The following TMC6 variants were observed in gnomAD, a reference collection of about 807,000 sequenced individuals.
TMC6 encodes the protein transmembrane channel like 6, also known as transmembrane channel-like protein 6.
In TMC6, 71 loss-of-function variants were observed where a neutral mutation model predicts 95.4. The observed-to-expected ratio is 0.74, with a 90% confidence interval of 0.61 to 0.91. The LOEUF (loss-of-function observed/expected upper bound fraction) is 0.91. TMC6 is among the 40% of genes least tolerant of loss of function. The pLI, the probability that TMC6 is intolerant of heterozygous loss-of-function variation, is 0.00. For missense variants in TMC6, 1,074 were observed against 1,079.1 expected (o/e 1.00, Z 0.07); for synonymous variants, 514 against 483.1 (o/e 1.06, Z -0.84).
At position 78,121,421 on chromosome 17, in the gene TMC6, CG is replaced by C. The variant is rs2074407816; in HGVS notation, c.1383+134del. 1 of 1,476,390 alleles carries C rather than the reference CG, an allele frequency of 6.8e-7. No individual in the cohort carries two copies. Among genetic ancestry groups the C allele is most frequent in the African/African-American group, 1.4e-5 (1 of 71,806 alleles). The allele number at this position is 1,476,390 out of a possible 1,614,324, so 91.5% of individuals were successfully genotyped here. A position where few individuals can be genotyped will look rare whatever the true frequency, so the allele number is the denominator to read the frequency against. ...GTGGGGCTCGGAGGGGGCCCCAGCA[CG>C]GGGCACAGCGTACGTGGCACCCTGG... On this transcript the variant is annotated intron_variant, in intron 11 of 19. Transcript: ENST00000590602. This position sits in a 1 kb window ranked among gnomAD's most constrained non-coding sequence, Gnocchi z 5.6.
chr17:78,109,457 C>T lies in TMC6; in HGVS notation c.*3691G>A, dbSNP rs2144778104. ...TGATGGGCTCCTGGTGCAGGACTGG[C>T]CCCTGAACAGCACAAGTGTAGTATG... On this transcript the variant is annotated 3_prime_UTR_variant, in exon 20 of 20. Coordinates refer to ENST00000590602, the MANE Select transcript of TMC6 (RefSeq NM_001127198.5). 2.2e-6 allele frequency: 1 copy of T among 456,660 alleles called. No individual in the cohort carries two copies. Among genetic ancestry groups the T allele is most frequent in the East Asian group, 6.9e-5 (1 of 14,396 alleles). The allele number at this position is 456,660 out of a possible 1,614,324, so 28.3% of individuals were successfully genotyped here. A position where few individuals can be genotyped will look rare whatever the true frequency, so the allele number is the denominator to read the frequency against.
chr17:78,125,721 C>G lies in TMC6; in HGVS notation c.430+5G>C, dbSNP rs2074675709. 1 of 1,563,160 alleles carries G rather than the reference C, an allele frequency of 6.4e-7. No individual in the cohort carries two copies. The highest frequency in any genetic ancestry group is 1.9e-5 in the Admixed American group (1 of 53,332). On this transcript the variant is annotated splice_donor_5th_base_variant and intron_variant, in intron 5 of 19. Transcript: ENST00000590602. The stretch of plus-strand genomic sequence containing the variant: ...CCACTGGGGCTCCAGTGCCCACTCA[C>G]TCACCCTCCTCCTCCAGGGCCGTGG...
rs2073781131 is a variant in TMC6 at position 78,109,483 on chromosome 17, C to T, written c.*3665G>A. The T allele has an allele frequency of 2.2e-6, 1 of 456,556 alleles. No homozygotes were observed. Among genetic ancestry groups the T allele is most frequent in the South Asian group, 1.5e-5 (1 of 64,556 alleles). 28.3% of individuals were successfully genotyped at this position (456,556 alleles called of 1,614,324 possible). A position where few individuals can be genotyped will look rare whatever the true frequency, so the allele number is the denominator to read the frequency against. ...CCCTGAACAGCACAAGTGTAGTATG[C>T]CTGGGCCCCAGGTCATCATGAAAAC... On this transcript the variant is annotated 3_prime_UTR_variant, in exon 20 of 20. Transcript: ENST00000590602.
In TMC6 at chr17:78,121,834, GC is replaced by G. The variant is rs1188428600; in HGVS notation, c.1228-124del. 2 of 1,298,648 alleles carry G rather than the reference GC, an allele frequency of 1.5e-6. No individual in the cohort carries two copies. Among genetic ancestry groups the G allele is most frequent in the African/African-American group, 1.5e-5 (1 of 67,432 alleles). 80.4% of individuals were successfully genotyped at this position (1,298,648 alleles called of 1,614,324 possible). ...CAGGAGGCTTGAACCAGGACAGAGG[GC>G]CAGTTCCCCATGCCCCACCTGCCCT... On this transcript the variant is annotated intron_variant, in intron 10 of 19. Transcript: ENST00000590602. The surrounding 1 kb of genome is among the most constrained non-coding windows in gnomAD (Gnocchi z 5.6).
chr17:78,132,333 T>C (rs2075030542), upstream of TMC6: 1 of 1,610,008 alleles, frequency 6.2e-7, no homozygotes, highest in East Asian at 2.2e-5. Context: ...CCGGCCTCCC[T>C]GACCCACCCT....
rs1326018151 is a variant in TMC6 at position 78,119,042 on chromosome 17, C to G, written c.1816G>C (p.Gly606Arg). 1.9e-6 allele frequency: 3 copies of G among 1,588,982 alleles called. No individual in the cohort carries two copies. The highest frequency in any genetic ancestry group is 2.7e-5 in the African/African-American group (2 of 74,432). The change falls in exon 15 of 20, where the codon GGG becomes CGG. Residue 606 changes from glycine to arginine, a missense_variant. By Grantham distance (125) the Gly-to-Arg change is moderately radical. Coordinates refer to ENST00000590602, the MANE Select transcript of TMC6 (RefSeq NM_001127198.5). ...GGGAGGAGGGGCGAGAAGAGCACCC[C>G]CAGCCTGGGGAGGGGGTGGCAGTTC... ...LIYGQTLTWLGVLFSPLLPAV... is the reference protein window; with the variant it reads ...LIYGQTLTWLRVLFSPLLPAV...
intron 18 of TMC6, among the ~76,000 whole-genome samples, chr17:78,116,177 A>G (rs894480153): frequency 7.3e-5 from 11 of 151,384 alleles, no homozygotes; most frequent in Non-Finnish European, 1.0e-4. Context: ...GGGTTTTGCC[A>G]TGATGGTCAG....
At chr17:78,119,256 C>A (rs771974106) in intron 14 of TMC6, 41 bp downstream of exon 14, 1 of 1,611,382 alleles carries the variant, frequency 6.2e-7, no homozygotes, top group East Asian at 2.2e-5. Context: ...GGGGCACTGA[C>A]CGAGGGGCCA....
In TMC6 at chr17:78,121,266, C is replaced by T. The variant is rs2074400828; in HGVS notation, c.1384-102G>A. The T allele has an allele frequency of 9.9e-6, 15 of 1,514,120 alleles. No homozygotes were observed. Among genetic ancestry groups the T allele is most frequent in the Non-Finnish European group, 1.2e-5 (14 of 1,127,396 alleles). 93.8% of individuals were successfully genotyped at this position (1,514,120 alleles called of 1,614,324 possible). On this transcript the variant is annotated intron_variant, in intron 11 of 19. Coordinates refer to ENST00000590602, the MANE Select transcript of TMC6 (RefSeq NM_001127198.5). The surrounding 1 kb of genome is among the most constrained non-coding windows in gnomAD (Gnocchi z 5.6). ...GGGTGGAACTGGCAGGTAGCACCTC[C>T]CTCCTCCAAGATCTGGCCCTCCCCA... is the stretch of plus-strand genomic sequence containing the variant.
At position 78,114,928 on chromosome 17, in the gene TMC6, G is replaced by A. The variant is rs141854270; in HGVS notation, c.2278-1304C>T. Among the ~76,000 whole-genome samples the A allele has an allele frequency of 3.0e-4, 45 of 149,580 alleles. No homozygotes were observed. In the East Asian group the frequency reaches 7.7e-3, roughly 26 times the overall value. On this transcript the variant is annotated intron_variant, in intron 18 of 19. Transcript: ENST00000590602. ...CCCAGAGCAACGGTGGGTAGAGCTGGGATTCTCCCAGCACCACTCTGCATT... is the reference window on the plus strand; with the variant it reads ...CCCAGAGCAACGGTGGGTAGAGCTGAGATTCTCCCAGCACCACTCTGCATT...
chr17:78,123,459 G>A (rs992128054), intron 9 of TMC6, among the ~76,000 whole-genome samples: 24 of 150,496 alleles, frequency 1.6e-4, no homozygotes, highest in African/African-American at 5.4e-4. Flanking sequence ...GGATGGATGC[G>A]TGGATGAATG....
chr17:78,120,937 G>A (rs755678139), intron 12 of TMC6, 76 bp downstream of exon 12: 6 of 1,612,232 alleles, frequency 3.7e-6, no homozygotes, highest in African/African-American at 2.7e-5. Flanking sequence ...ATCCTAAGTA[G>A]GTTTGGATAC....
rs747525122 is a variant in TMC6, at chr17:78,121,545, C to CCT, written c.1383+10_1383+11insAG. 1 of 1,610,996 alleles carries CCT rather than the reference C, an allele frequency of 6.2e-7. No homozygotes were observed. Among genetic ancestry groups the CCT allele is most frequent in the African/African-American group, 1.3e-5 (1 of 74,916 alleles). On this transcript the variant is annotated intron_variant, in intron 11 of 19. Transcript: ENST00000590602. The surrounding 1 kb of genome is among the most constrained non-coding windows in gnomAD (Gnocchi z 5.6). ...TTCCAAGCAAGGGCCAGGCTCCCCCCATCCCCGCACCTGGATCATGAACTC... is the reference window on the plus strand; with the variant it reads ...TTCCAAGCAAGGGCCAGGCTCCCCCCCTATCCCCGCACCTGGATCATGAACTC...
chr17:78,117,642 AC>A lies in TMC6; in HGVS notation c.2023del (p.Val675Ter). ...AVFLCYAVWQ[V>X]KPSSTCGPFR... ...GGGGCCGCAGGTGCTCGAGGGCTTC[AC>A]CCTGGGGAAGATGCCGACCAGGAAC... On this transcript the variant is annotated frameshift_variant and splice_region_variant, in exon 17 of 20. Transcript: ENST00000590602. LOFTEE classifies it high-confidence loss of function. 1.9e-6 allele frequency: 3 copies of A among 1,567,328 alleles called. No individual in the cohort carries two copies. Among genetic ancestry groups the A allele is most frequent in the Non-Finnish European group, 2.6e-6 (3 of 1,156,884 alleles).
Position 78,109,287 on chromosome 17 carries a change from G to A in TMC6, c.*3861C>T. 2.7e-6 allele frequency: 1 copy of A among 364,652 alleles called. No individual in the cohort carries two copies. Among genetic ancestry groups the A allele is most frequent in the East Asian group, 7.4e-5 (1 of 13,482 alleles). 22.6% of individuals were successfully genotyped at this position (364,652 alleles called of 1,614,324 possible). On this transcript the variant is annotated 3_prime_UTR_variant, in exon 20 of 20. Coordinates refer to ENST00000590602, the MANE Select transcript of TMC6 (RefSeq NM_001127198.5). ...CCCCGACTGAGTGTTCAGTGAAGAG[G>A]GAAAACAGAGACAGTGGGGCATCCC...
At chr17:78,120,100 C>A in intron 13 of TMC6, 1 of 334,022 alleles carries the variant, frequency 3.0e-6, no homozygotes, top group South Asian at 2.5e-5. Context: ...CTGTTCCCTG[C>A]TGTGTGTTTT....
chr17:78,125,341 C>CT, intron 5 of TMC6, 78 bp from the exon 6 acceptor site: 1 of 1,292,738 alleles, frequency 7.7e-7, no homozygotes, highest in South Asian at 1.3e-5. Flanking sequence ...CTGGTCAGGC[C>CT]TGTGTGTCCC....
In TMC6 at chr17:78,117,861, C is replaced by T. The variant is rs140188188; in HGVS notation, c.1962G>A (p.Thr654=). Residue 654 remains threonine (T), a synonymous_variant, in exon 16 of 20, where the codon ACG becomes ACA. Transcript: ENST00000590602. ...LASHMSTVFL[T]LLCFPAFLGA... is the part of the protein sequence containing the mutation. ...CCAGGAAGGCGGGGAAGCAGAGCAG[C>T]GTGAGGAAGACGGTGCTCATGTGTG... is the stretch of plus-strand genomic sequence containing the variant. The T allele has an allele frequency of 3.1e-6, 5 of 1,607,776 alleles. No individual in the cohort carries two copies. The highest frequency in any genetic ancestry group is 2.2e-5 in the East Asian group (1 of 44,720).
chr17:78,115,662 C>T (rs1258737862), intron 18 of TMC6, among the ~76,000 whole-genome samples: 26 of 136,928 alleles, frequency 1.9e-4, no homozygotes, highest in Admixed American at 1.0e-3. Flanking sequence ...GGCACAGGGG[C>T]GAAGGGAGTG....
Sources: allele counts gnomAD v4.1 joint callset (sites outside exome capture counted in the v4.1 genomes callset), GRCh38; gene constraint gnomAD v4.1.1; non-coding constraint Gnocchi (gnomAD v3.1); transcripts MANE v1.5; gene names NCBI Gene and HGNC (gene_info 2026-07-23, HGNC 2026-07-21).